The following MLLT3 variants were observed in gnomAD, a reference collection of about 807,000 sequenced individuals.
MLLT3 encodes MLLT3 super elongation complex subunit.
MLLT3 carries 4 observed loss-of-function variants against 53.2 expected under a neutral mutation model. That is an observed-to-expected ratio of 0.08 (90% CI 0.04 to 0.17). MLLT3 has a LOEUF of 0.17. Ranked by LOEUF, MLLT3 falls within the 10% of genes least tolerant of loss-of-function variation. The pLI, the probability that MLLT3 is intolerant of heterozygous loss-of-function variation, is 1.00. For missense variants in MLLT3, 569 were observed against 684.0 expected (o/e 0.83, Z 1.87); for synonymous variants, 283 against 230.6 (o/e 1.23, Z -2.06).
At chr9:20,399,706 A>G (rs1193056560) in intron 5 of MLLT3, among the ~76,000 whole-genome samples, 1 of 152,124 alleles carries the variant, frequency 6.6e-6, no homozygotes, top group Non-Finnish European at 1.5e-5. Flanking sequence ...TATAGGGGAG[A>G]AGAAAGAAAG....
chr9:20,374,202 G>A (rs150438288), intron 5 of MLLT3, among the ~76,000 whole-genome samples: 2 of 152,324 alleles, frequency 1.3e-5, no homozygotes, highest in East Asian at 1.9e-4. Context: ...GGGCAACACA[G>A]TGAGATCCCC....
intron 2 of MLLT3, among the ~76,000 whole-genome samples, chr9:20,579,702 C>T (rs1258505173): frequency 6.6e-6 from 1 of 152,144 alleles, no homozygotes; most frequent in Non-Finnish European, 1.5e-5. Context: ...GGTAAAAGAG[C>T]TCTTTGCTCT....
intron 2 of MLLT3, among the ~76,000 whole-genome samples, chr9:20,546,518 TG>T (rs1052049757): frequency 8.6e-5 from 13 of 150,440 alleles, no homozygotes; most frequent in Admixed American, 5.3e-4. Context: ...CACTCTGGTA[TG>T]GGCAACAGAG....
intron 4 of MLLT3, among the ~76,000 whole-genome samples, chr9:20,421,252 A>G (rs1823001354): frequency 6.6e-6 from 1 of 152,172 alleles, no homozygotes; most frequent in Non-Finnish European, 1.5e-5. Context: ...CAATAGAGCA[A>G]GACTCTGTCT....
chr9:20,399,604 G>A (rs1275525019), intron 5 of MLLT3, among the ~76,000 whole-genome samples: 2 of 152,052 alleles, frequency 1.3e-5, no homozygotes. Context: ...AGTTAACCAG[G>A]TCATAAAGGA....
chr9:20,558,688 C>G (rs1819124496), intron 2 of MLLT3, among the ~76,000 whole-genome samples: 2 of 152,166 alleles, frequency 1.3e-5, no homozygotes, highest in Admixed American at 1.3e-4. Flanking sequence ...CATTTTTAAA[C>G]AAACCCCCAG....
At position 20,621,943 on chromosome 9, in the gene MLLT3, G is replaced by T. The variant is rs922888508; in HGVS notation, c.12+302C>A. 4.0e-5 allele frequency: 56 copies of T among 1,389,934 alleles called. No homozygotes were observed. Among genetic ancestry groups the T allele is most frequent in the Non-Finnish European group, 5.0e-5 (54 of 1,078,064 alleles). The allele number at this position is 1,389,934 out of a possible 1,614,324, so 86.1% of individuals were successfully genotyped here. A position where few individuals can be genotyped will look rare whatever the true frequency, so the allele number is the denominator to read the frequency against. ...TGTGAGTGCGCGCGTGTGAGCGAGA[G>T]GGAGTGTGTGAGTGCGCTTCTTGTG... On this transcript the variant is annotated intron_variant, in intron 1 of 10. Coordinates refer to ENST00000380338, the MANE Select transcript of MLLT3 (RefSeq NM_004529.4). The surrounding 1 kb of genome is among the most constrained non-coding windows in gnomAD (Gnocchi z 7.0).
intron 3 of MLLT3, among the ~76,000 whole-genome samples, chr9:20,452,395 T>A (rs961834226): frequency 6.6e-6 from 1 of 152,076 alleles, no homozygotes; most frequent in African/African-American, 2.4e-5. Context: ...TGCCACCTTG[T>A]GAAGAAAGAC....
intron 2 of MLLT3, among the ~76,000 whole-genome samples, chr9:20,601,815 G>T (rs1279002029): frequency 6.6e-6 from 1 of 151,796 alleles, no homozygotes; most frequent in Non-Finnish European, 1.5e-5. Context: ...TTTTTATGGT[G>T]GGTATAAATA....
At chr9:20,622,052 TCTGTGTGC>T (rs1234642567) in intron 1 of MLLT3, 185 bp downstream of exon 1, 49 of 186,796 alleles carry the variant, frequency 2.6e-4, no homozygotes, top group Middle Eastern at 3.0e-3. Flanking sequence ...TGTCTGTGTG[TCTGTGTGC>T]GCGCCGGGGG....
At chr9:20,599,288 A>C (rs1007602276) in intron 2 of MLLT3, among the ~76,000 whole-genome samples, 4 of 149,960 alleles carry the variant, frequency 2.7e-5, no homozygotes, top group African/African-American at 9.9e-5. Flanking sequence ...TGGGCGACAG[A>C]GTAAGACTCT....
chr9:20,516,268 C>T (rs1056141149), intron 2 of MLLT3, among the ~76,000 whole-genome samples: 10 of 152,168 alleles, frequency 6.6e-5, no homozygotes, highest in African/African-American at 1.7e-4. Flanking sequence ...CCAGCACAAA[C>T]GATATTGTGA....
At chr9:20,438,843 C>T (rs1230558888) in intron 4 of MLLT3, among the ~76,000 whole-genome samples, 5 of 152,092 alleles carry the variant, frequency 3.3e-5, no homozygotes, top group Non-Finnish European at 7.4e-5. Flanking sequence ...ATTTGTAAGG[C>T]CAACTAAATT....
intron 4 of MLLT3, among the ~76,000 whole-genome samples, chr9:20,444,959 C>T (rs1018729520): frequency 5.3e-5 from 8 of 151,364 alleles, no homozygotes; most frequent in East Asian, 3.9e-4. Flanking sequence ...AATGTGGTGG[C>T]GTGCATCTGT....
At chr9:20,504,357 T>TGTGTGTGTGA (rs1330260519) in intron 2 of MLLT3, among the ~76,000 whole-genome samples, 1 of 151,730 alleles carries the variant, frequency 6.6e-6, no homozygotes, top group African/African-American at 2.4e-5. Context: ...GAATTGTGTG[T>TGTGTGTGTGA]GTGTGTGTGT....
intron 2 of MLLT3, among the ~76,000 whole-genome samples, chr9:20,485,517 T>C (rs1824786984): frequency 6.6e-6 from 1 of 152,240 alleles, no homozygotes; most frequent in Admixed American, 6.5e-5. Context: ...TTCGAATAAT[T>C]CATTTACTAT....
intron 5 of MLLT3, among the ~76,000 whole-genome samples, chr9:20,374,562 T>C (rs1012366543): frequency 5.9e-5 from 9 of 152,350 alleles, no homozygotes; most frequent in Admixed American, 2.0e-4. Flanking sequence ...AATATTCTAC[T>C]TATGTTAACC....
At chr9:20,577,630 G>A (rs1307541409) in intron 2 of MLLT3, among the ~76,000 whole-genome samples, 3 of 152,088 alleles carry the variant, frequency 2.0e-5, no homozygotes, top group African/African-American at 7.2e-5. Flanking sequence ...ATCCATTCTA[G>A]CCCCATTACT....
intron 5 of MLLT3, among the ~76,000 whole-genome samples, chr9:20,375,611 T>C (rs1352477692): frequency 2.0e-5 from 2 of 99,304 alleles, no homozygotes; most frequent in South Asian, 2.7e-4. Context: ...TTTTCTTTTC[T>C]TTTTTTTTTT....
Sources: allele counts gnomAD v4.1 joint callset (sites outside exome capture counted in the v4.1 genomes callset), GRCh38; gene constraint gnomAD v4.1.1; non-coding constraint Gnocchi (gnomAD v3.1); transcripts MANE v1.5; gene names NCBI Gene and HGNC (gene_info 2026-07-23, HGNC 2026-07-21).